The following ADGRG5 variants were observed in gnomAD, a reference collection of about 807,000 sequenced individuals.
ADGRG5 encodes adhesion G protein-coupled receptor G5, also known as G protein-coupled receptor 114.
Under a neutral mutation model 53.2 loss-of-function variants are expected in ADGRG5, and 37 were observed. The ratio of observed to expected loss-of-function variants is 0.70; its 90% CI spans 0.53 to 0.91. ADGRG5 has a LOEUF of 0.91. Ranked by LOEUF, ADGRG5 falls within the 40% of genes least tolerant of loss-of-function variation. The pLI, the probability that ADGRG5 is intolerant of heterozygous loss-of-function variation, is 0.00. For synonymous variants in ADGRG5, 277 were observed against 290.4 expected, an observed-to-expected ratio of 0.95 and a Z score of 0.47; for missense variants, 614 against 675.8, an observed-to-expected ratio of 0.91 and a Z score of 1.01.
rs1178857619 is a variant in ADGRG5, at chr16:57,574,407, T to C, written c.1209-408T>C. On this transcript the variant is annotated intron_variant, in intron 10 of 11. Transcript: ENST00000349457. This position sits in a 1 kb window ranked among gnomAD's most constrained non-coding sequence, Gnocchi z 4.4. ...GATGGTGATGAGGTGGTGACAACCA[T>C]GTAGTGGGGTGGAAGGGGAAGTTTC... Among the ~76,000 whole-genome samples, 1 of 151,898 alleles carries C rather than the reference T, an allele frequency of 6.6e-6. No homozygotes were observed. The highest frequency in any genetic ancestry group is 2.4e-5 in the African/African-American group (1 of 41,340).
In ADGRG5 at chr16:57,576,831, A is replaced by C. The variant is rs1298135311; in HGVS notation, c.*1293A>C. On this transcript the variant is annotated 3_prime_UTR_variant, in exon 12 of 12. Transcript: ENST00000349457. ...CAGGGTGCTCAGGTGGTGGGTGCTC[A>C]GGGCCCTGCCCCAGGCCACTGGGCC... 6.6e-6 allele frequency: 1 copy of C among 152,270 alleles called. No individual in the cohort carries two copies. The highest frequency in any genetic ancestry group is 1.5e-5 in the Non-Finnish European group (1 of 68,060). The allele number at this position is 152,270 out of a possible 1,614,324, so 9.4% of individuals were successfully genotyped here.
intron 6 of ADGRG5, chr16:57,566,233 T>G: frequency 1.1e-5 from 2 of 179,550 alleles, no homozygotes; most frequent in Admixed American, 6.2e-5. Flanking sequence ...CTGTTCCCCA[T>G]GGGGAGGAAG....
intron 1 of ADGRG5, among the ~76,000 whole-genome samples, chr16:57,546,422 C>T (rs1160205364): frequency 2.6e-5 from 4 of 152,174 alleles, no homozygotes; most frequent in East Asian, 3.9e-4. Flanking sequence ...TACCACGCCC[C>T]GCCATTTGCC....
chr16:57,546,188 A>G (rs1191034934), intron 1 of ADGRG5, among the ~76,000 whole-genome samples: 2 of 152,158 alleles, frequency 1.3e-5, no homozygotes, highest in African/African-American at 2.4e-5. Context: ...CAGTGCCACC[A>G]TCATAGCTCA....
At chr16:57,555,650 A>G (rs1410669315) in intron 1 of ADGRG5, among the ~76,000 whole-genome samples, 1 of 152,228 alleles carries the variant, frequency 6.6e-6, no homozygotes, top group East Asian at 1.9e-4. Context: ...GTGCACACAC[A>G]TTAAAGATTG....
chr16:57,569,129 T>C (rs1201138642), intron 9 of ADGRG5, among the ~76,000 whole-genome samples: 2 of 123,762 alleles, frequency 1.6e-5, no homozygotes, highest in Non-Finnish European at 3.4e-5. Flanking sequence ...TTCACCACCA[T>C]GATCACCTCC....
At chr16:57,557,098 C>T (rs779286844) in intron 1 of ADGRG5, among the ~76,000 whole-genome samples, 15 of 151,820 alleles carry the variant, frequency 9.9e-5, no homozygotes, top group East Asian at 1.9e-4. Context: ...TTTCTAGAGA[C>T]GGGTTTTTGC....
In ADGRG5 at chr16:57,565,087, T is replaced by A. The variant is rs1161112956; in HGVS notation, c.483T>A (p.Ser161Arg). 2 of 1,613,710 alleles carry A rather than the reference T, an allele frequency of 1.2e-6. No individual in the cohort carries two copies. The highest frequency in any genetic ancestry group is 2.2e-5 in the South Asian group (2 of 91,070). The change falls in exon 6 of 12, where the codon AGT becomes AGA. Residue 161 changes from serine (S) to arginine (R), a missense_variant. Ser to Arg is a moderately radical substitution (Grantham distance 110). Coordinates refer to ENST00000349457, the MANE Select transcript of ADGRG5 (RefSeq NM_001304376.3). ...ACTACGTCCTGGGGGCCCAGCTGAG[T>A]CATGGGCACGTGAACAACCTCAGGG... is the stretch of plus-strand genomic sequence containing the variant. ...LNNYVLGAQLSHGHVNNLRDP... is the reference protein window; with the variant it reads ...LNNYVLGAQLRHGHVNNLRDP...
the ADGRG5 span, among the ~76,000 whole-genome samples, chr16:57,533,462 C>T: frequency 6.6e-6 from 1 of 151,470 alleles, no homozygotes; most frequent in East Asian, 2.0e-4. Context: ...TCACATACAG[C>T]CCCAGTAATG....
At chr16:57,536,252 T>C in the ADGRG5 span, among the ~76,000 whole-genome samples, 2 of 135,460 alleles carry the variant, frequency 1.5e-5, no homozygotes, top group African/African-American at 5.5e-5. Context: ...CGGAGGCGCC[T>C]CCCCTCCCCC....
intron 1 of ADGRG5, among the ~76,000 whole-genome samples, chr16:57,554,458 G>C (rs907598133): frequency 6.6e-6 from 1 of 151,398 alleles, no homozygotes; most frequent in Non-Finnish European, 1.5e-5. Context: ...CTCACTGCAA[G>C]CTCTGCCTCC....
Position 57,576,448 on chromosome 16 carries a change from G to A in ADGRG5, c.*910G>A, listed in dbSNP as rs993105550. On this transcript the variant is annotated 3_prime_UTR_variant, in exon 12 of 12. Transcript: ENST00000349457. The stretch of plus-strand genomic sequence containing the variant: ...AATTTGCCCAGGTAGGCGTGAGAGT[G>A]TGGGTTTTAAATTCGAAGCTCAGGC... The A allele has an allele frequency of 7.9e-5, 12 of 152,176 alleles. No individual in the cohort carries two copies. Among genetic ancestry groups the A allele is most frequent in the African/African-American group, 2.9e-4 (12 of 41,436 alleles). The allele number at this position is 152,176 out of a possible 1,614,324, so 9.4% of individuals were successfully genotyped here.
At chr16:57,533,797 C>T in the ADGRG5 span, among the ~76,000 whole-genome samples, 1 of 152,214 alleles carries the variant, frequency 6.6e-6, no homozygotes, top group East Asian at 1.9e-4. Flanking sequence ...CACTGAGGGG[C>T]AGCAGCAGCG....
At chr16:57,572,412 T>A (rs1396857273) in intron 10 of ADGRG5, among the ~76,000 whole-genome samples, 1 of 152,130 alleles carries the variant, frequency 6.6e-6, no homozygotes, top group African/African-American at 2.4e-5. Context: ...GAGGTGGAGC[T>A]TGCAGTGAGC....
chr16:57,571,758 C>T (rs1390884231), intron 10 of ADGRG5, among the ~76,000 whole-genome samples: 3 of 148,392 alleles, frequency 2.0e-5, no homozygotes, highest in African/African-American at 5.0e-5. Flanking sequence ...TGGGTTCAAG[C>T]GATTCTCCTG....
At chr16:57,531,143 G>A in the ADGRG5 span, among the ~76,000 whole-genome samples, 1 of 151,848 alleles carries the variant, frequency 6.6e-6, no homozygotes, top group Non-Finnish European at 1.5e-5. Context: ...AGCCCAGGTT[G>A]CCCTCAGAGC....
chr16:57,559,498 G>C (rs2032955068), intron 1 of ADGRG5, among the ~76,000 whole-genome samples: 1 of 152,204 alleles, frequency 6.6e-6, no homozygotes, highest in African/African-American at 2.4e-5. Context: ...AAGAAACTGA[G>C]GGTACAGGTT....
intron 5 of ADGRG5, among the ~76,000 whole-genome samples, chr16:57,564,481 T>C: frequency 6.6e-6 from 1 of 152,176 alleles, no homozygotes. Context: ...TTCGTATTTT[T>C]AGTAGAGACC....
intron 1 of ADGRG5, among the ~76,000 whole-genome samples, chr16:57,551,963 A>G (rs1215699187): frequency 6.6e-6 from 1 of 152,216 alleles, no homozygotes; most frequent in East Asian, 1.9e-4. Flanking sequence ...CTCCTTGTGC[A>G]TCTCCATCAG....
Sources: gnomAD v4.1 joint callset for allele counts (sites outside exome capture counted in the v4.1 genomes callset) on GRCh38, gnomAD v4.1.1 for gene constraint, Gnocchi (gnomAD v3.1) non-coding constraint, MANE v1.5 for transcripts, NCBI Gene and HGNC (gene_info 2026-07-23, HGNC 2026-07-21) for gene names.